MAP2: variants seen among roughly 807,000 people sequenced by gnomAD.
MAP2 encodes the protein microtubule associated protein 2.
In MAP2, 14 loss-of-function variants were observed where a neutral mutation model predicts 137.6. The ratio of observed to expected loss-of-function variants is 0.10; its 90% CI spans 0.07 to 0.16. The LOEUF (loss-of-function observed/expected upper bound fraction) is 0.16. Among genes scored for constraint, MAP2 ranks in the 10% least tolerant of loss-of-function variants. The probability of loss-of-function intolerance (pLI) is 1.00; values close to 1 mark genes in which losing one functional copy is unlikely to be tolerated. For missense variants in MAP2, 2,088 were observed against 2,191.5 expected, an observed-to-expected ratio of 0.95 and a Z score of 0.94; for synonymous variants, 786 against 782.3, an observed-to-expected ratio of 1.00 and a Z score of -0.08.
At chr2:209,623,591 G>A (rs180706426) in intron 3 of MAP2, among the ~76,000 whole-genome samples, 91 of 152,206 alleles carry the variant, frequency 6.0e-4, no homozygotes, top group African/African-American at 2.1e-3. Flanking sequence ...TCCAGAGCTG[G>A]CCTACCATTC....
intron 2 of MAP2, among the ~76,000 whole-genome samples, chr2:209,533,229 C>A (rs926988811): frequency 2.0e-5 from 3 of 152,142 alleles, no homozygotes; most frequent in African/African-American, 7.2e-5. Flanking sequence ...ACTGCAACCT[C>A]CGCCTCCCAG....
At chr2:209,604,026 G>A (rs1003223401) in intron 3 of MAP2, among the ~76,000 whole-genome samples, 8 of 152,110 alleles carry the variant, frequency 5.3e-5, no homozygotes, top group African/African-American at 1.7e-4. Context: ...ATCATCTCCC[G>A]GAGGATTTTG....
At chr2:209,517,332 T>C (rs1563122) in intron 2 of MAP2, among the ~76,000 whole-genome samples, 34,042 of 151,874 alleles carry the variant, frequency 0.22, 5,100 homozygotes, top group African/African-American at 0.43. Flanking sequence ...CACTCTTCAC[T>C]TTTACATAAA....
At chr2:209,569,175 A>G (rs979856757) in intron 2 of MAP2, among the ~76,000 whole-genome samples, 2 of 151,896 alleles carry the variant, frequency 1.3e-5, no homozygotes, top group Non-Finnish European at 3.0e-5. Context: ...AAATTTGTAT[A>G]TTCAAATAGC....
chr2:209,654,347 T>C (rs1003268078), intron 5 of MAP2, among the ~76,000 whole-genome samples: 1 of 152,188 alleles, frequency 6.6e-6, no homozygotes, highest in Admixed American at 6.5e-5. Context: ...CCATGTGAAA[T>C]GGAAGAAGAG....
At chr2:209,499,654 C>T (rs566227838) in intron 1 of MAP2, among the ~76,000 whole-genome samples, 24 of 152,248 alleles carry the variant, frequency 1.6e-4, no homozygotes, top group Admixed American at 5.2e-4. Context: ...ACAGGAAACA[C>T]AGTGCCGGCA....
At chr2:209,581,221 C>G (rs1420949298) in intron 3 of MAP2, among the ~76,000 whole-genome samples, 1 of 152,114 alleles carries the variant, frequency 6.6e-6, no homozygotes, top group Non-Finnish European at 1.5e-5. Context: ...TCCACAAGCA[C>G]TTCTTAAGAG....
chr2:209,720,676 G>A (rs898198186), intron 13 of MAP2, among the ~76,000 whole-genome samples: 1 of 150,544 alleles, frequency 6.6e-6, no homozygotes, highest in African/African-American at 2.4e-5. Flanking sequence ...AAATAAATTG[G>A]CAGAGATTAA....
At chr2:209,522,234 A>G (rs1394237670) in intron 2 of MAP2, among the ~76,000 whole-genome samples, 1 of 152,140 alleles carries the variant, frequency 6.6e-6, no homozygotes, top group African/African-American at 2.4e-5. Flanking sequence ...AGCTAATCAG[A>G]TTAGAAAGCC....
chr2:209,587,873 A>G (rs1470518653), intron 3 of MAP2, among the ~76,000 whole-genome samples: 1 of 152,190 alleles, frequency 6.6e-6, no homozygotes, highest in Non-Finnish European at 1.5e-5. Flanking sequence ...AAACAGCCAA[A>G]TAGGCATGAG....
intron 2 of MAP2, among the ~76,000 whole-genome samples, chr2:209,526,344 A>G (rs1245870844): frequency 6.6e-6 from 1 of 151,954 alleles, no homozygotes; most frequent in Non-Finnish European, 1.5e-5. Flanking sequence ...ATATTTCACT[A>G]AATGTCTGAG....
At chr2:209,656,717 A>G (rs1215373638) in intron 5 of MAP2, among the ~76,000 whole-genome samples, 3 of 150,598 alleles carry the variant, frequency 2.0e-5, no homozygotes, top group African/African-American at 7.5e-5. Flanking sequence ...CACTTAGGAA[A>G]GCTGTCGTTA....
intron 3 of MAP2, among the ~76,000 whole-genome samples, chr2:209,586,995 A>T (rs1353517463): frequency 2.0e-5 from 3 of 152,116 alleles, no homozygotes; most frequent in Non-Finnish European, 4.4e-5. Context: ...AAATCCATTA[A>T]ATCAACCCAA....
At chr2:209,478,869 T>G (rs574283083) in intron 1 of MAP2, among the ~76,000 whole-genome samples, 1 of 152,326 alleles carries the variant, frequency 6.6e-6, no homozygotes, top group African/African-American at 2.4e-5. Flanking sequence ...ACATTCTCCC[T>G]CTAATGAAAT....
chr2:209,701,996 T>C (rs1480819260), intron 11 of MAP2, among the ~76,000 whole-genome samples: 2 of 152,090 alleles, frequency 1.3e-5, no homozygotes, highest in Admixed American at 6.6e-5. Context: ...AAATTAAATG[T>C]AATGATGTTA....
chr2:209,724,220 G>A (rs1318543097), intron 13 of MAP2, among the ~76,000 whole-genome samples: 1 of 152,144 alleles, frequency 6.6e-6, no homozygotes, highest in Non-Finnish European at 1.5e-5. Context: ...CAAAGTGAAA[G>A]GATTCAAGTC....
At chr2:209,639,650 T>C (rs2093851109) in intron 4 of MAP2, among the ~76,000 whole-genome samples, 1 of 152,162 alleles carries the variant, frequency 6.6e-6, no homozygotes, top group African/African-American at 2.4e-5. Context: ...AGTGCAGGCA[T>C]GGCTCACCAC....
intron 1 of MAP2, among the ~76,000 whole-genome samples, chr2:209,502,025 C>T (rs761972329): frequency 6.6e-6 from 1 of 151,414 alleles, no homozygotes; most frequent in African/African-American, 2.4e-5. Flanking sequence ...TATATATATA[C>T]ACACACAGTG....
chr2:209,618,715 C>T (rs956921665), intron 3 of MAP2, among the ~76,000 whole-genome samples: 3 of 152,108 alleles, frequency 2.0e-5, no homozygotes, highest in Non-Finnish European at 2.9e-5. Flanking sequence ...TTATGGAGAA[C>T]AGTTTGGTGG....
Sources: allele counts gnomAD v4.1 joint callset (sites outside exome capture counted in the v4.1 genomes callset), GRCh38; gene constraint gnomAD v4.1.1; transcripts MANE v1.5; gene names NCBI Gene and HGNC (gene_info 2026-07-23, HGNC 2026-07-21).